Variants in GXYLT2 observed in about 807,000 individuals in gnomAD.
GXYLT2 encodes the protein glucoside xylosyltransferase 2, also known as glycosyltransferase 8 domain containing 4.
A neutral mutation model predicts 45.8 loss-of-function variants in GXYLT2; 53 were observed. The observed-to-expected ratio is 1.16, with a 90% CI of 0.93 to 1.46. The LOEUF (loss-of-function observed/expected upper bound fraction) is 1.46. GXYLT2 is among the 40% of genes most tolerant of loss of function. The pLI is 0.00. For synonymous variants in GXYLT2, 219 were observed against 214.2 expected (o/e 1.02, Z -0.19); for missense variants, 551 against 544.4 (o/e 1.01, Z -0.12).
chr3:72,919,282 C>T (rs559386699), intron 2 of GXYLT2, among the ~76,000 whole-genome samples: 1 of 152,182 alleles, frequency 6.6e-6, no homozygotes, highest in Non-Finnish European at 1.5e-5. Flanking sequence ...ATATTCATAC[C>T]ATAGCATACA....
At chr3:72,923,480 G>T (rs999196774) in intron 3 of GXYLT2, among the ~76,000 whole-genome samples, 4 of 152,136 alleles carry the variant, frequency 2.6e-5, no homozygotes, top group African/African-American at 9.6e-5. Context: ...AATAGAAAAA[G>T]ATATTTCAAA....
chr3:72,969,908 T>G (rs1710952306), intron 6 of GXYLT2, among the ~76,000 whole-genome samples: 1 of 30,190 alleles, frequency 3.3e-5, no homozygotes, highest in South Asian at 8.7e-4. Flanking sequence ...AATGTGCATT[T>G]GAAAAAAAAA....
intron 1 of GXYLT2, among the ~76,000 whole-genome samples, chr3:72,903,715 A>G (rs151142494): frequency 6.6e-6 from 1 of 152,204 alleles, no homozygotes; most frequent in East Asian, 1.9e-4. Flanking sequence ...TAAGGGTCAT[A>G]GCAGTGAGCA....
chr3:72,916,394 C>G (rs184652639), intron 2 of GXYLT2, among the ~76,000 whole-genome samples: 51 of 151,840 alleles, frequency 3.4e-4, no homozygotes, highest in African/African-American at 1.1e-3. Context: ...TGCTATATTG[C>G]CCAGGCTGGT....
intron 2 of GXYLT2, among the ~76,000 whole-genome samples, chr3:72,917,741 G>C (rs1046492246): frequency 3.4e-5 from 5 of 146,388 alleles, no homozygotes; most frequent in Admixed American, 6.9e-5. Context: ...CTGGGCAACA[G>C]AGTGAGGCCC....
intron 3 of GXYLT2, among the ~76,000 whole-genome samples, chr3:72,948,307 A>G (rs1031413745): frequency 1.3e-5 from 2 of 152,188 alleles, no homozygotes; most frequent in Admixed American, 6.6e-5. Context: ...CAACTGCAGC[A>G]TAAACTTTTT....
intron 1 of GXYLT2, among the ~76,000 whole-genome samples, chr3:72,900,859 A>G (rs971961812): frequency 6.6e-6 from 1 of 152,188 alleles, no homozygotes; most frequent in Non-Finnish European, 1.5e-5. Context: ...TACATTTTAA[A>G]AGTATACAAT....
At chr3:72,924,425 T>A (rs1238739710) in intron 3 of GXYLT2, among the ~76,000 whole-genome samples, 2 of 152,040 alleles carry the variant, frequency 1.3e-5, no homozygotes, top group Non-Finnish European at 2.9e-5. Flanking sequence ...ACTCCTCACA[T>A]ACTCCTGGGC....
chr3:72,958,640 T>C (rs1374237226), intron 5 of GXYLT2, among the ~76,000 whole-genome samples: 1 of 149,430 alleles, frequency 6.7e-6, no homozygotes, highest in African/African-American at 2.5e-5. Flanking sequence ...TTTTTTTTTT[T>C]TTTTTTTTTG....
chr3:72,916,675 G>T lies in GXYLT2; in HGVS notation c.469-5529G>T, dbSNP rs566761426. Among the ~76,000 whole-genome samples the T allele has an allele frequency of 2.6e-5, 4 of 151,958 alleles. No homozygotes were observed. The South Asian group carries it at 8.3e-4, about 32-fold the overall frequency. ...GTGCCTCAGCCCCCCTAGTAGCTGGGATTACAGTCGTGCACTACCACACCC... is the reference window on the plus strand; with the variant it reads ...GTGCCTCAGCCCCCCTAGTAGCTGGTATTACAGTCGTGCACTACCACACCC... On this transcript the variant is annotated intron_variant, in intron 2 of 6. Transcript: ENST00000389617.
At chr3:72,894,400 C>T (rs1709241965) in intron 1 of GXYLT2, among the ~76,000 whole-genome samples, 1 of 152,192 alleles carries the variant, frequency 6.6e-6, no homozygotes, top group South Asian at 2.1e-4. Context: ...ATCCACCACA[C>T]CCTAGAGCAG....
At chr3:72,897,576 A>C (rs745697038) in intron 1 of GXYLT2, among the ~76,000 whole-genome samples, 2 of 152,218 alleles carry the variant, frequency 1.3e-5, no homozygotes, top group Non-Finnish European at 2.9e-5. Context: ...CTGAGAACAG[A>C]AAAAGAGTGG....
At chr3:72,897,603 T>C (rs1709319153) in intron 1 of GXYLT2, among the ~76,000 whole-genome samples, 1 of 152,108 alleles carries the variant, frequency 6.6e-6, no homozygotes, top group Admixed American at 6.6e-5. Context: ...CAAAATAAAA[T>C]TAAGATGCTT....
rs564152650 is a variant in GXYLT2 at position 72,918,043 on chromosome 3, G to A, written c.469-4161G>A. On this transcript the variant is annotated intron_variant, in intron 2 of 6. Transcript: ENST00000389617. ...CCAGATAGTAACTATTTTAGGCTTTGCAGGCTGTATGGTCTCTATCCCAAC... is the reference window on the plus strand; with the variant it reads ...CCAGATAGTAACTATTTTAGGCTTTACAGGCTGTATGGTCTCTATCCCAAC... 1.8e-4 allele frequency among the ~76,000 whole-genome samples: 28 copies of A among 152,184 alleles called. No homozygotes were observed. The South Asian group carries it at 5.8e-3, about 32-fold the overall frequency.
At chr3:72,934,926 T>C (rs915454070) in intron 3 of GXYLT2, among the ~76,000 whole-genome samples, 3 of 152,260 alleles carry the variant, frequency 2.0e-5, no homozygotes, top group Non-Finnish European at 2.9e-5. Flanking sequence ...GGATTCCCCA[T>C]TAGAGTGGCC....
intron 5 of GXYLT2, among the ~76,000 whole-genome samples, chr3:72,965,202 AT>A (rs1710841573): frequency 6.6e-6 from 1 of 152,208 alleles, no homozygotes; most frequent in African/African-American, 2.4e-5. Context: ...TAGAAATTTG[AT>A]AAAGGATGCC....
intron 5 of GXYLT2, among the ~76,000 whole-genome samples, chr3:72,963,797 C>G (rs1710812163): frequency 6.6e-6 from 1 of 151,932 alleles, no homozygotes; most frequent in South Asian, 2.1e-4. Context: ...CTCACCCTCC[C>G]AAGTAGCTGC....
At chr3:72,965,193 A>G (rs1202454889) in intron 5 of GXYLT2, among the ~76,000 whole-genome samples, 2 of 152,224 alleles carry the variant, frequency 1.3e-5, no homozygotes, top group African/African-American at 4.8e-5. Flanking sequence ...ATGAGCAATT[A>G]GAAATTTGAT....
chr3:72,917,890 T>A (rs1709768870), intron 2 of GXYLT2, among the ~76,000 whole-genome samples: 1 of 152,138 alleles, frequency 6.6e-6, no homozygotes. Context: ...TTGGTGTATA[T>A]ATATAATACT....
Sources: allele counts gnomAD v4.1 joint callset (sites outside exome capture counted in the v4.1 genomes callset), GRCh38; gene constraint gnomAD v4.1.1; transcripts MANE v1.5; gene names NCBI Gene and HGNC (gene_info 2026-07-23, HGNC 2026-07-21).